INTS2: variants seen among roughly 807,000 people sequenced by gnomAD.
INTS2 encodes integrator complex subunit 2.
In INTS2, 57 loss-of-function variants were observed where a neutral mutation model predicts 139.6. That is an observed-to-expected ratio of 0.41 (90% confidence interval 0.33 to 0.51). INTS2 has a LOEUF of 0.51. Among genes scored for constraint, INTS2 ranks in the 20% least tolerant of loss-of-function variants. The pLI, the probability that INTS2 is intolerant of heterozygous loss-of-function variation, is 0.28. For synonymous variants in INTS2, 473 were observed against 493.4 expected, an observed-to-expected ratio of 0.96 and a Z score of 0.55; for missense variants, 1,196 against 1,436.7, an observed-to-expected ratio of 0.83 and a Z score of 2.71.
In INTS2 at chr17:61,871,710, G is replaced by C. The variant is rs752477355; in HGVS notation, c.2778+555C>G. Among the ~76,000 whole-genome samples, 16 of 151,992 alleles carry C rather than the reference G, an allele frequency of 1.1e-4. No individual in the cohort carries two copies. The highest frequency in any genetic ancestry group is 1.9e-4 in the Non-Finnish European group (13 of 67,998). On this transcript the variant is annotated intron_variant, in intron 20 of 24. Transcript: ENST00000251334. The surrounding 1 kb of genome is among the most constrained non-coding windows in gnomAD (Gnocchi z 4.9). The stretch of plus-strand genomic sequence containing the variant: ...GCACTTTGGGAAGCTGAGGTGGGTG[G>C]ATCACCTCAAGTTAGGAGTTCAACA...
chr17:61,904,767 C>T (rs918538750), intron 8 of INTS2, among the ~76,000 whole-genome samples, 182 bp from the exon 9 acceptor site: 2 of 152,134 alleles, frequency 1.3e-5, no homozygotes, highest in African/African-American at 4.8e-5. Context: ...CAGTGTTTTA[C>T]TGTGGACACA....
intron 15 of INTS2, among the ~76,000 whole-genome samples, chr17:61,887,168 G>C (rs2079236994): frequency 6.6e-6 from 1 of 152,008 alleles, no homozygotes; most frequent in Admixed American, 6.6e-5. Flanking sequence ...TTGTTATGAG[G>C]GTTTACATGA....
In INTS2 at chr17:61,874,985, T is replaced by C. The variant is rs372417898; in HGVS notation, c.2510A>G (p.Gln837Arg). ...CAGGTCATTCTGAGTATACTTTTGT[T>C]GTCGTACAAACTTTATTGAAGGCTG... The part of the protein sequence containing the change: ...ALQPSIKFVR[Q>R]QKYTQNDLMI... Residue 837 changes from glutamine (Q) to arginine (R), a missense_variant, in exon 19 of 25, where the codon CAA becomes CGA. Around this residue, in one of 3 missense-constraint regions of INTS2, gnomAD observed 1,129 missense variants for 1,341.9 expected, o/e 0.84. Coordinates refer to ENST00000251334, the MANE Select transcript of INTS2 (RefSeq NM_001351695.2). 2.4e-5 allele frequency: 38 copies of C among 1,598,010 alleles called. No individual in the cohort carries two copies. The highest frequency in any genetic ancestry group is 3.2e-5 in the Non-Finnish European group (38 of 1,171,240).
chr17:61,888,772 C>T (rs575035843), intron 15 of INTS2, among the ~76,000 whole-genome samples: 1 of 152,228 alleles, frequency 6.6e-6, no homozygotes, highest in South Asian at 2.1e-4. Flanking sequence ...CGCCTGTAAT[C>T]CCAGCACTTT....
In INTS2 at chr17:61,902,251, T is replaced by C. The variant is rs573156079; in HGVS notation, c.1307+2209A>G. 3.9e-5 allele frequency among the ~76,000 whole-genome samples: 6 copies of C among 152,326 alleles called. No homozygotes were observed. In the South Asian group the frequency reaches 1.0e-3, roughly 26 times the overall value. ...TTGTCCTAGGCATTCAGTAAGCCCT[T>C]TGAACCTGGAAACTCATGTCTCTCA... On this transcript the variant is annotated intron_variant, in intron 9 of 24. Transcript: ENST00000251334.
intron 17 of INTS2, among the ~76,000 whole-genome samples, chr17:61,880,778 G>A (rs1001688462): frequency 6.9e-6 from 1 of 145,254 alleles, no homozygotes; most frequent in East Asian, 2.1e-4. Flanking sequence ...AAGGGAAAAG[G>A]GGGAAAGGGG....
At chr17:61,878,706 C>A (rs1300175871) in intron 17 of INTS2, among the ~76,000 whole-genome samples, 1 of 151,878 alleles carries the variant, frequency 6.6e-6, no homozygotes, top group South Asian at 2.1e-4. Context: ...CTTTGGGAGG[C>A]TGAGGTAGGA....
At chr17:61,884,794 A>G (rs1215194340) in intron 16 of INTS2, 107 bp downstream of exon 16, 2 of 730,554 alleles carry the variant, frequency 2.7e-6, no homozygotes, top group Non-Finnish European at 4.6e-6. Context: ...TTCACTCTTG[A>G]ACTGTTTGAA....
intron 9 of INTS2, among the ~76,000 whole-genome samples, chr17:61,901,767 G>T (rs1331825486): frequency 2.6e-5 from 4 of 151,226 alleles, no homozygotes; most frequent in African/African-American, 9.7e-5. Context: ...ATATTTTTTT[G>T]TATTTTTTTT....
At position 61,882,205 on chromosome 17, in the gene INTS2, C is replaced by T. The variant is rs2079184370; in HGVS notation, c.2090-1034G>A. ...CCTCCATTCTACTGTAAGGAACAAA[C>T]AATGCTGAAAGACATTTATTAACAT... On this transcript the variant is annotated intron_variant, in intron 16 of 24. Coordinates refer to ENST00000251334, the MANE Select transcript of INTS2 (RefSeq NM_001351695.2). The surrounding 1 kb of genome is among the most constrained non-coding windows in gnomAD (Gnocchi z 4.7). Among the ~76,000 whole-genome samples, 1 of 152,158 alleles carries T rather than the reference C, an allele frequency of 6.6e-6. No individual in the cohort carries two copies. Among genetic ancestry groups the T allele is most frequent in the African/African-American group, 2.4e-5 (1 of 41,422 alleles).
rs956073024 is a variant in INTS2 at position 61,927,831 on chromosome 17, C to A, written c.-196G>T. 6.2e-7 allele frequency: 1 copy of A among 1,612,664 alleles called. No homozygotes were observed. The highest frequency in any genetic ancestry group is 8.5e-7 in the Non-Finnish European group (1 of 1,179,198). The stretch of plus-strand genomic sequence containing the variant: ...CAAGAACTCAGACGCCGGGACCAAC[C>A]GGGTTGTCGATACAAAGTGGGAAGG... On this transcript the variant is annotated 5_prime_UTR_variant, in exon 1 of 25. Transcript: ENST00000251334.
At chr17:61,877,830 T>C (rs967157130) in intron 18 of INTS2, 57 bp downstream of exon 18, 20 of 1,388,920 alleles carry the variant, frequency 1.4e-5, no homozygotes, top group South Asian at 1.3e-4. Flanking sequence ...TTTAGGTTAT[T>C]GTATATTATC....
intron 9 of INTS2, among the ~76,000 whole-genome samples, chr17:61,903,944 C>A (rs1030976637): frequency 6.6e-6 from 1 of 152,008 alleles, no homozygotes; most frequent in Non-Finnish European, 1.5e-5. Context: ...CATATTATTA[C>A]AGATGTAGCA....
chr17:61,923,004 G>A (rs2079663652), intron 3 of INTS2, among the ~76,000 whole-genome samples: 3 of 151,674 alleles, frequency 2.0e-5, no homozygotes, highest in African/African-American at 7.3e-5. Context: ...TTTAACCCAG[G>A]AGGCAAAGGT....
rs2079056168 is a variant in INTS2, at chr17:61,867,634, C to G, written c.3514G>C (p.Asp1172His). The change falls in exon 25 of 25, where the codon GAT (aspartate) becomes CAT (histidine). Residue 1172 changes from aspartate (D) to histidine (H), a missense_variant. By Grantham distance (81) the Asp-to-His change is moderately conservative (BLOSUM62 -1). Around this residue, in one of 3 missense-constraint regions of INTS2, gnomAD observed 1,129 missense variants for 1,341.9 expected, o/e 0.84. Transcript: ENST00000251334. This position sits in a 1 kb window ranked among gnomAD's most constrained non-coding sequence, Gnocchi z 5.6. Reference protein sequence around the residue: ...KNGSRDTGSMDPDVQLCHCIE... With the variant: ...KNGSRDTGSMHPDVQLCHCIE... ...CAGTGACAGAGCTGTACATCAGGAT[C>G]CATGCTTCCAGTGTCCCTGGATCCA... 1.2e-6 allele frequency: 2 copies of G among 1,611,530 alleles called. No individual in the cohort carries two copies. Among genetic ancestry groups the G allele is most frequent in the African/African-American group, 1.3e-5 (1 of 74,880 alleles).
chr17:61,899,231 A>T (rs550488248), intron 9 of INTS2, among the ~76,000 whole-genome samples: 238 of 152,166 alleles, frequency 1.6e-3, no homozygotes, highest in African/African-American at 5.5e-3. Context: ...TTCCTTTTTC[A>T]CTGTAGCTCT....
intron 17 of INTS2, among the ~76,000 whole-genome samples, chr17:61,880,512 G>GA (rs1248540353): frequency 6.6e-6 from 1 of 152,036 alleles, no homozygotes; most frequent in African/African-American, 2.4e-5. Context: ...AGCACTCTGG[G>GA]AGGCTGAGGC....
At chr17:61,919,542 TTTG>T in intron 4 of INTS2, 29 bp from the exon 5 acceptor site, 1 of 1,217,802 alleles carries the variant, frequency 8.2e-7, no homozygotes, top group Non-Finnish European at 1.2e-6. Context: ...AGTGTTAGTC[TTTG>T]TTAACAGGTG....
At chr17:61,913,952 A>T (rs900203850) in intron 5 of INTS2, among the ~76,000 whole-genome samples, 1 of 152,146 alleles carries the variant, frequency 6.6e-6, no homozygotes, top group African/African-American at 2.4e-5. Context: ...ATCCATGACA[A>T]CAATGGCACA....
Sources: gnomAD v4.1 joint callset for allele counts (sites outside exome capture counted in the v4.1 genomes callset) on GRCh38, gnomAD v4.1.1 for gene constraint, gnomAD v4.1.1 regional missense constraint, Gnocchi (gnomAD v3.1) non-coding constraint, MANE v1.5 for transcripts, NCBI Gene and HGNC (gene_info 2026-07-23, HGNC 2026-07-21) for gene names.